The following KCNMA1 variants were observed in gnomAD, a reference collection of about 807,000 sequenced individuals.
KCNMA1 encodes potassium calcium-activated channel subfamily M alpha 1, also known as Calcium-activated potassium channel subunit alpha-1.
Under a neutral mutation model 140.0 loss-of-function variants are expected in KCNMA1, and 29 were observed. The observed-to-expected ratio is 0.21, with a 90% CI of 0.15 to 0.28. KCNMA1 has a LOEUF of 0.28. Among genes scored for constraint, KCNMA1 ranks in the 10% least tolerant of loss-of-function variants. KCNMA1 has a pLI of 1.00. For synonymous variants in KCNMA1, 612 were observed against 611.9 expected, an observed-to-expected ratio of 1.00 and a Z score of 0.00; for missense variants, 880 against 1,602.2, an observed-to-expected ratio of 0.55 and a Z score of 7.70.
At chr10:77,331,990 T>A (rs545905159) in intron 2 of KCNMA1, among the ~76,000 whole-genome samples, 1 of 152,156 alleles carries the variant, frequency 6.6e-6, no homozygotes, top group South Asian at 2.1e-4. Context: ...ATAGATGAGA[T>A]CCACTCAAGT....
chr10:77,477,147 C>A, intron 1 of KCNMA1, among the ~76,000 whole-genome samples: 1 of 152,198 alleles, frequency 6.6e-6, no homozygotes, highest in South Asian at 2.1e-4. Flanking sequence ...GGAGATAATA[C>A]CAACTTCGTG....
chr10:77,044,567 T>A (rs1241884302), intron 14 of KCNMA1, among the ~76,000 whole-genome samples: 2 of 152,110 alleles, frequency 1.3e-5, no homozygotes, highest in African/African-American at 4.8e-5. Flanking sequence ...GAGGATAGCT[T>A]GAGCACAGGA....
intron 1 of KCNMA1, among the ~76,000 whole-genome samples, chr10:77,467,171 C>G (rs1265374736): frequency 6.6e-6 from 1 of 152,104 alleles, no homozygotes; most frequent in Non-Finnish European, 1.5e-5. Flanking sequence ...TATAGATTCA[C>G]CAGTTTTTAA....
At chr10:77,512,203 T>C (rs2048651946) in intron 1 of KCNMA1, among the ~76,000 whole-genome samples, 3 of 152,220 alleles carry the variant, frequency 2.0e-5, no homozygotes, top group Admixed American at 2.0e-4. Flanking sequence ...GAAAGGCAGA[T>C]TTATAGCTTA....
chr10:77,447,244 T>C (rs2097545858), intron 1 of KCNMA1, among the ~76,000 whole-genome samples: 1 of 152,232 alleles, frequency 6.6e-6, no homozygotes, highest in Non-Finnish European at 1.5e-5. Context: ...CAGAGTTGTC[T>C]GCTGGGTTGG....
rs552826473 is a variant in KCNMA1, at chr10:76,934,220, C to G, written c.2902+10553G>C. Among the ~76,000 whole-genome samples, 189 of 152,332 alleles carry G rather than the reference C, an allele frequency of 1.2e-3. 2 individuals carry two copies. Among genetic ancestry groups the G allele is most frequent in the African/African-American group, 4.1e-3 (171 of 41,584 alleles). On this transcript the variant is annotated intron_variant, in intron 23 of 27. Transcript: ENST00000286628. ...CTCCCAACCTCAGGTGATCCACCTG[C>G]TTCGGCCCCCCAGTGTGCTGGGATT...
At chr10:77,109,424 A>G (rs2097267298) in intron 8 of KCNMA1, among the ~76,000 whole-genome samples, 2 of 152,218 alleles carry the variant, frequency 1.3e-5, no homozygotes, top group African/African-American at 2.4e-5. Flanking sequence ...ATCTAAACTT[A>G]AAATGAGCTA....
At chr10:77,584,922 C>A (rs569418531) in intron 1 of KCNMA1, among the ~76,000 whole-genome samples, 49 of 152,350 alleles carry the variant, frequency 3.2e-4, no homozygotes, top group Admixed American at 5.9e-4. Context: ...GAAGCCCACA[C>A]ACCTGGCCAA....
intron 3 of KCNMA1, among the ~76,000 whole-genome samples, chr10:77,205,837 A>G (rs999674847): frequency 2.0e-5 from 3 of 152,204 alleles, no homozygotes; most frequent in African/African-American, 7.2e-5. Flanking sequence ...AAGTCTATGA[A>G]ATTGTAAAAA....
At chr10:77,426,437 G>A (rs147719413) in intron 1 of KCNMA1, among the ~76,000 whole-genome samples, 2 of 152,154 alleles carry the variant, frequency 1.3e-5, no homozygotes, top group South Asian at 2.1e-4. Flanking sequence ...CCCATTTTAC[G>A]GATGAGGAAA....
chr10:77,337,894 G>A (rs1324737317), intron 2 of KCNMA1, among the ~76,000 whole-genome samples: 1 of 152,138 alleles, frequency 6.6e-6, no homozygotes, highest in Non-Finnish European at 1.5e-5. Flanking sequence ...CTGCAGTATG[G>A]CAAATGGAAG....
chr10:77,011,175 C>A (rs913026221), intron 18 of KCNMA1, among the ~76,000 whole-genome samples: 1 of 152,112 alleles, frequency 6.6e-6, no homozygotes, highest in Non-Finnish European at 1.5e-5. Context: ...AGAACAATTT[C>A]TATTAGGCAA....
intron 5 of KCNMA1, among the ~76,000 whole-genome samples, chr10:77,153,674 T>A (rs1597354121): frequency 6.6e-6 from 1 of 152,234 alleles, no homozygotes; most frequent in East Asian, 1.9e-4. Flanking sequence ...ACCTCCTTTT[T>A]TAATGAACCC....
Position 76,885,703 on chromosome 10 carries a change from G to A in KCNMA1, c.*1563C>T. On this transcript the variant is annotated 3_prime_UTR_variant, in exon 28 of 28. Coordinates refer to ENST00000286628, the MANE Select transcript of KCNMA1 (RefSeq NM_001161352.2). ...CCTAGTCCATCCATAAGGGAAATTG[G>A]TTATGGTGAATTGGCCAGTTTTTAA... 6.1e-6 allele frequency: 6 copies of A among 985,256 alleles called. No individual in the cohort carries two copies. The highest frequency in any genetic ancestry group is 6.0e-6 in the Non-Finnish European group (5 of 829,856). The allele number at this position is 985,256 out of a possible 1,614,324, so 61.0% of individuals were successfully genotyped here.
chr10:77,380,448 T>C (rs2095343361), intron 2 of KCNMA1, among the ~76,000 whole-genome samples: 1 of 152,222 alleles, frequency 6.6e-6, no homozygotes, highest in Non-Finnish European at 1.5e-5. Context: ...TCCTTCATTT[T>C]ATTCACAAAG....
chr10:77,184,099 T>A (rs1212799236), intron 4 of KCNMA1, among the ~76,000 whole-genome samples: 4 of 140,310 alleles, frequency 2.9e-5, no homozygotes, highest in Admixed American at 2.8e-4. Context: ...CAAAATTCCA[T>A]CCATCTACTC....
intron 2 of KCNMA1, among the ~76,000 whole-genome samples, chr10:77,329,913 G>C (rs2154364071): frequency 6.6e-6 from 1 of 152,278 alleles, no homozygotes; most frequent in East Asian, 1.9e-4. Flanking sequence ...AAAATTAAAT[G>C]AGATAATGCA....
At position 77,437,641 on chromosome 10, in the gene KCNMA1, A is replaced by G. The variant is rs372377975; in HGVS notation, c.379-33618T>C. Among the ~76,000 whole-genome samples the G allele has an allele frequency of 6.5e-4, 99 of 152,330 alleles. 2 individuals carry two copies. In the South Asian group the frequency reaches 0.017, roughly 26 times the overall value. ...ATCCCCAGGCCCCCTGAGAGCCACA[A>G]CCAAGACCCATTGGACCAAGCTTCT... On this transcript the variant is annotated intron_variant, in intron 1 of 27. Transcript: ENST00000286628.
chr10:77,096,442 G>A (rs2096934521), intron 9 of KCNMA1, among the ~76,000 whole-genome samples: 2 of 152,062 alleles, frequency 1.3e-5, no homozygotes, highest in African/African-American at 4.8e-5. Context: ...TGTCCCCACT[G>A]CCCCCAACCA....
Sources: gnomAD v4.1 joint callset for allele counts (sites outside exome capture counted in the v4.1 genomes callset) on GRCh38, gnomAD v4.1.1 for gene constraint, MANE v1.5 for transcripts, NCBI Gene and HGNC (gene_info 2026-07-23, HGNC 2026-07-21) for gene names.